Variants in CNBD1 observed in about 807,000 individuals in gnomAD.
CNBD1 encodes cyclic nucleotide binding domain containing 1.
In CNBD1, 71 loss-of-function variants were observed where a neutral mutation model predicts 54.4. That is an observed-to-expected ratio of 1.30 (90% CI 1.08 to 1.59). The LOEUF (loss-of-function observed/expected upper bound fraction) is 1.59, where lower values mean the gene tolerates loss of function less well. Ranked by LOEUF, CNBD1 falls within the 40% of genes most tolerant of loss-of-function variation. CNBD1 has a pLI of 0.00. For synonymous variants in CNBD1, 182 were observed against 170.7 expected (o/e 1.07, Z -0.51); for missense variants, 659 against 518.0 (o/e 1.27, Z -2.64).
intron 6 of CNBD1, among the ~76,000 whole-genome samples, chr8:87,275,352 A>C (rs982195177): frequency 2.0e-5 from 3 of 151,384 alleles, no homozygotes; most frequent in Non-Finnish European, 4.4e-5. Context: ...TTGAATCTAT[A>C]AATTACCTTG....
chr8:86,953,338 G>C (rs961746966), intron 4 of CNBD1, among the ~76,000 whole-genome samples: 1 of 152,178 alleles, frequency 6.6e-6, no homozygotes, highest in Non-Finnish European at 1.5e-5. Context: ...ATTAGGTATA[G>C]ATAATAATTG....
intron 2 of CNBD1, among the ~76,000 whole-genome samples, chr8:87,416,651 G>A (rs1308986493): frequency 6.6e-6 from 1 of 152,014 alleles, no homozygotes; most frequent in Admixed American, 6.6e-5. Flanking sequence ...GTTGTTATAT[G>A]ACTCAGTCCA....
intron 4 of CNBD1, among the ~76,000 whole-genome samples, chr8:87,094,789 GCA>G (rs1811284544): frequency 2.0e-5 from 3 of 152,172 alleles, no homozygotes; most frequent in Admixed American, 2.0e-4. Context: ...TGTAATCCTA[GCA>G]CTTTGGGAGG....
At chr8:87,098,930 G>A (rs756546528) in intron 4 of CNBD1, among the ~76,000 whole-genome samples, 7 of 150,450 alleles carry the variant, frequency 4.7e-5, no homozygotes, top group South Asian at 2.1e-4. Context: ...CCAGCTACTC[G>A]GGAGGCTAAG....
intron 6 of CNBD1, among the ~76,000 whole-genome samples, chr8:87,243,584 C>T (rs1807745927): frequency 6.6e-6 from 1 of 152,076 alleles, no homozygotes; most frequent in Non-Finnish European, 1.5e-5. Context: ...CCCTGGTTCC[C>T]TAAATCTTTT....
At chr8:87,104,104 G>A (rs1377411240) in intron 4 of CNBD1, among the ~76,000 whole-genome samples, 3 of 152,132 alleles carry the variant, frequency 2.0e-5, no homozygotes, top group Admixed American at 6.5e-5. Context: ...AAGACACAGT[G>A]GGAATATGGA....
At chr8:87,131,038 A>G (rs1383264717) in intron 4 of CNBD1, among the ~76,000 whole-genome samples, 1 of 152,050 alleles carries the variant, frequency 6.6e-6, no homozygotes, top group Non-Finnish European at 1.5e-5. Context: ...CATAATATGT[A>G]TCTGTCCATT....
At chr8:87,093,069 A>G (rs946419088) in intron 4 of CNBD1, among the ~76,000 whole-genome samples, 4 of 152,036 alleles carry the variant, frequency 2.6e-5, no homozygotes, top group Non-Finnish European at 5.9e-5. Flanking sequence ...AATAAACACA[A>G]TCTTTTCTTC....
intron 2 of CNBD1, among the ~76,000 whole-genome samples, chr8:86,899,962 C>T (rs555697288): frequency 6.6e-6 from 1 of 152,110 alleles, no homozygotes; most frequent in Non-Finnish European, 1.5e-5. Context: ...GCACACCCTA[C>T]CCCTCCTCTC....
chr8:87,308,582 C>A (rs183287467), intron 8 of CNBD1, among the ~76,000 whole-genome samples: 1 of 152,026 alleles, frequency 6.6e-6, no homozygotes, highest in Non-Finnish European at 1.5e-5. Flanking sequence ...TTTGTTATTT[C>A]TTTGTGTTAG....
chr8:86,930,223 T>C (rs1039898626), intron 3 of CNBD1, among the ~76,000 whole-genome samples: 6 of 152,188 alleles, frequency 3.9e-5, no homozygotes, highest in Non-Finnish European at 5.9e-5. Flanking sequence ...ATAGGCTGTA[T>C]TTGTTCTTTG....
intron 4 of CNBD1, among the ~76,000 whole-genome samples, chr8:86,981,893 G>T (rs1808496332): frequency 6.6e-6 from 1 of 152,140 alleles, no homozygotes; most frequent in South Asian, 2.1e-4. Context: ...GTGGACATCT[G>T]TTGTCTGTTC....
At chr8:87,424,347 A>G (rs1212009204) in intron 2 of CNBD1, among the ~76,000 whole-genome samples, 2 of 151,858 alleles carry the variant, frequency 1.3e-5, no homozygotes, top group East Asian at 1.9e-4. Context: ...GTGCTTTTCT[A>G]GTTCTTTTAA....
At chr8:87,188,192 G>T (rs1813519784) in intron 4 of CNBD1, among the ~76,000 whole-genome samples, 1 of 152,100 alleles carries the variant, frequency 6.6e-6, no homozygotes, top group Admixed American at 6.6e-5. Context: ...CGATCTCTGG[G>T]AAACATTTGC....
intron 6 of CNBD1, among the ~76,000 whole-genome samples, chr8:87,238,062 A>G (rs1056944028): frequency 3.1e-4 from 42 of 136,146 alleles, no homozygotes; most frequent in African/African-American, 1.5e-3. Context: ...GGCTTCAAAG[A>G]CCGATTTTTT....
intron 2 of CNBD1, among the ~76,000 whole-genome samples, chr8:87,408,306 T>G (rs1465685436): frequency 1.3e-5 from 2 of 152,060 alleles, no homozygotes; most frequent in Non-Finnish European, 2.9e-5. Flanking sequence ...AACTGAGCAT[T>G]TTCTCCTGTG....
chr8:87,227,150 G>A (rs540561070), intron 5 of CNBD1, among the ~76,000 whole-genome samples: 8 of 152,074 alleles, frequency 5.3e-5, no homozygotes, highest in Admixed American at 3.9e-4. Flanking sequence ...ACATGAGATG[G>A]GTTTCCTGAA....
chr8:87,145,743 A>G (rs1379483588), intron 4 of CNBD1, among the ~76,000 whole-genome samples: 2 of 152,158 alleles, frequency 1.3e-5, no homozygotes, highest in Non-Finnish European at 2.9e-5. Context: ...AACAAGAAAG[A>G]ACAGAACACT....
chr8:87,159,481 C>T (rs1010912459), intron 4 of CNBD1, among the ~76,000 whole-genome samples: 3 of 151,996 alleles, frequency 2.0e-5, no homozygotes, highest in East Asian at 3.9e-4. Flanking sequence ...GCTCCTTTGT[C>T]TTGGAGGGCT....
Sources: allele counts gnomAD v4.1 joint callset (sites outside exome capture counted in the v4.1 genomes callset), GRCh38; gene constraint gnomAD v4.1.1; transcripts MANE v1.5; gene names NCBI Gene and HGNC (gene_info 2026-07-23, HGNC 2026-07-21).